EFHC1: variants seen among roughly 807,000 people sequenced by gnomAD.
The protein encoded by EFHC1 is EF-hand domain containing 1.
Under a neutral mutation model 69.9 loss-of-function variants are expected in EFHC1, and 53 were observed. The ratio of observed to expected loss-of-function variants is 0.76; its 90% CI spans 0.61 to 0.95. EFHC1 has a LOEUF of 0.95. EFHC1 is among the 40% of genes least tolerant of loss of function. The pLI is 0.00. For synonymous variants in EFHC1, 256 were observed against 278.4 expected (o/e 0.92, Z 0.80); for missense variants, 739 against 798.7 (o/e 0.93, Z 0.90).
intron 3 of EFHC1, among the ~76,000 whole-genome samples, chr6:52,447,825 G>A (rs1764820790): frequency 2.0e-5 from 3 of 152,216 alleles, no homozygotes; most frequent in Non-Finnish European, 4.4e-5. Context: ...GTTGGAGTCT[G>A]CTGGAGGTCC....
At chr6:52,463,944 T>C (rs1034013376) in intron 5 of EFHC1, among the ~76,000 whole-genome samples, 10 of 152,220 alleles carry the variant, frequency 6.6e-5, no homozygotes, top group Admixed American at 2.6e-4. Flanking sequence ...GTTCAAACTT[T>C]TATGCCTGTT....
At chr6:52,434,087 T>C (rs1764473920) in intron 2 of EFHC1, among the ~76,000 whole-genome samples, 1 of 152,180 alleles carries the variant, frequency 6.6e-6, no homozygotes, top group Admixed American at 6.5e-5. Flanking sequence ...GGCTGAGAAC[T>C]TGCCCCAGGC....
At chr6:52,480,303 A>T (rs886317383) in intron 9 of EFHC1, among the ~76,000 whole-genome samples, 3 of 152,164 alleles carry the variant, frequency 2.0e-5, no homozygotes, top group African/African-American at 7.2e-5. Flanking sequence ...GCTGAGAAGG[A>T]TGGGTTGGTT....
At chr6:52,422,302 G>A (rs1230205170) in intron 1 of EFHC1, among the ~76,000 whole-genome samples, 1 of 152,162 alleles carries the variant, frequency 6.6e-6, no homozygotes, top group African/African-American at 2.4e-5. Flanking sequence ...TTCTGTCTTT[G>A]GTGGTGGAAG....
At chr6:52,484,793 C>A (rs1042287642) in intron 9 of EFHC1, among the ~76,000 whole-genome samples, 1 of 151,958 alleles carries the variant, frequency 6.6e-6, no homozygotes, top group African/African-American at 2.4e-5. Context: ...ATTGGGAGGC[C>A]TTGTGATTGT....
chr6:52,490,243 G>A lies in EFHC1; in HGVS notation c.1744G>A (p.Ala582Thr). The change falls in exon 10 of 11, where the codon GCA becomes ACA. Residue 582 changes from alanine to threonine, a missense_variant. Ala to Thr is a moderately conservative substitution (Grantham distance 58). Transcript: ENST00000371068. ...CTCATGCAAAGACAACATTCGTGAG[G>A]CATTTCAAATTTATGACAAGGAAGC... Reference protein sequence around the residue: ...DHSCKDNIREAFQIYDKEASG... With the variant: ...DHSCKDNIRETFQIYDKEASG... 6.2e-7 allele frequency: 1 copy of A among 1,614,120 alleles called. No individual in the cohort carries two copies. Among genetic ancestry groups the A allele is most frequent in the Non-Finnish European group, 8.5e-7 (1 of 1,179,970 alleles).
In EFHC1 at chr6:52,490,659, ACT is replaced by A; in HGVS notation, c.1851+311_1851+312del. The A allele has an allele frequency of 5.3e-6, 3 of 561,080 alleles. No individual in the cohort carries two copies. In the South Asian group the frequency reaches 7.2e-5, roughly 13 times the overall value. The allele number at this position is 561,080 out of a possible 1,614,324, so 34.8% of individuals were successfully genotyped here. On this transcript the variant is annotated intron_variant, in intron 10 of 10. Transcript: ENST00000371068. Reference sequence around the variant, plus strand: ...CAGGAGGGGTGGCTACCAAGGGGAGACTCAAAGATAAGTTGATAGAGCAGACT... The same window carrying A: ...CAGGAGGGGTGGCTACCAAGGGGAGACAAAGATAAGTTGATAGAGCAGACT...
At chr6:52,451,235 T>C (rs1046498097) in intron 3 of EFHC1, among the ~76,000 whole-genome samples, 12 of 152,368 alleles carry the variant, frequency 7.9e-5, no homozygotes, top group African/African-American at 2.9e-4. Context: ...ATAGTGTCAC[T>C]GGTCTGTGTA....
chr6:52,467,476 G>A (rs995462062), intron 6 of EFHC1, among the ~76,000 whole-genome samples: 4 of 152,130 alleles, frequency 2.6e-5, no homozygotes, highest in African/African-American at 9.6e-5. Context: ...CCACCGCACC[G>A]GCCTGATCTG....
chr6:52,477,067 A>T (rs557638343), intron 7 of EFHC1, among the ~76,000 whole-genome samples: 1 of 152,120 alleles, frequency 6.6e-6, no homozygotes, highest in Admixed American at 6.6e-5. Context: ...TTAAAGTTTT[A>T]TAGTACTCTT....
intron 5 of EFHC1, among the ~76,000 whole-genome samples, chr6:52,461,242 C>A (rs968173082): frequency 1.3e-5 from 2 of 152,060 alleles, no homozygotes; most frequent in African/African-American, 4.8e-5. Context: ...CTCCAATAGA[C>A]CCCAGTGTGT....
At chr6:52,431,741 C>T (rs1254461861) in intron 2 of EFHC1, among the ~76,000 whole-genome samples, 1 of 152,010 alleles carries the variant, frequency 6.6e-6, no homozygotes, top group African/African-American at 2.4e-5. Context: ...TAGTTTAAAT[C>T]CATTGTTTCT....
intron 3 of EFHC1, among the ~76,000 whole-genome samples, chr6:52,447,479 G>A (rs1027006568): frequency 2.0e-5 from 3 of 152,064 alleles, no homozygotes; most frequent in Non-Finnish European, 2.9e-5. Flanking sequence ...TTTTTTTCAA[G>A]GTTTTTAGCT....
chr6:52,490,458 T>C (rs1765875882), intron 10 of EFHC1, 108 bp downstream of exon 10: 3 of 925,892 alleles, frequency 3.2e-6, no homozygotes, highest in Admixed American at 3.8e-5. Flanking sequence ...AGATTTAGGA[T>C]GTTCAGATCA....
intron 6 of EFHC1, chr6:52,469,089 C>G (rs142988841): frequency 2.0e-6 from 1 of 509,062 alleles, no homozygotes; most frequent in African/African-American, 1.9e-5. Context: ...GCAATAGTTT[C>G]TCTGTAGCCC....
intron 7 of EFHC1, among the ~76,000 whole-genome samples, chr6:52,471,349 A>C (rs1765431069): frequency 6.6e-6 from 1 of 152,214 alleles, no homozygotes; most frequent in Non-Finnish European, 1.5e-5. Flanking sequence ...CCTGGATTAT[A>C]ATAACCCCAG....
At chr6:52,463,549 A>C (rs901181956) in intron 5 of EFHC1, among the ~76,000 whole-genome samples, 1 of 152,208 alleles carries the variant, frequency 6.6e-6, no homozygotes, top group Admixed American at 6.5e-5. Flanking sequence ...TCATTTAAAA[A>C]GGCCAGTGAA....
At chr6:52,442,501 T>C (rs888798070) in intron 3 of EFHC1, among the ~76,000 whole-genome samples, 4 of 149,536 alleles carry the variant, frequency 2.7e-5, no homozygotes, top group Non-Finnish European at 1.5e-5. Flanking sequence ...TGTGTCCAAG[T>C]GTTCTCATTG....
chr6:52,456,803 T>A (rs993754829), intron 5 of EFHC1, among the ~76,000 whole-genome samples: 2 of 152,094 alleles, frequency 1.3e-5, no homozygotes, highest in African/African-American at 4.8e-5. Context: ...TAGTCCCAGC[T>A]ACTTAGGAGG....
Sources: allele counts gnomAD v4.1 joint callset (sites outside exome capture counted in the v4.1 genomes callset), GRCh38; gene constraint gnomAD v4.1.1; transcripts MANE v1.5; gene names NCBI Gene and HGNC (gene_info 2026-07-23, HGNC 2026-07-21).